RPS6KC1: variants seen among roughly 807,000 people sequenced by gnomAD.
The protein encoded by RPS6KC1 is inactive ribosomal protein S6 kinase delta-1.
In RPS6KC1, 54 loss-of-function variants were observed where a neutral mutation model predicts 103.8. The ratio of observed to expected loss-of-function variants is 0.52; its 90% CI spans 0.42 to 0.65. RPS6KC1 has a LOEUF of 0.65. RPS6KC1 is among the 30% of genes least tolerant of loss of function. The probability of loss-of-function intolerance (pLI) is 0.00; values close to 1 mark genes in which losing one functional copy is unlikely to be tolerated. For missense variants in RPS6KC1, 1,151 were observed against 1,253.8 expected, an observed-to-expected ratio of 0.92 and a Z score of 1.24; for synonymous variants, 439 against 438.7, an observed-to-expected ratio of 1.00 and a Z score of -0.01.
chr1:213,179,805 G>A (rs770655488), intron 8 of RPS6KC1, among the ~76,000 whole-genome samples: 17 of 152,156 alleles, frequency 1.1e-4, no homozygotes, highest in Admixed American at 2.6e-4. Flanking sequence ...AAACAAAATT[G>A]TGTCTTTCTT....
the RPS6KC1 span, among the ~76,000 whole-genome samples, chr1:213,467,634 T>A: frequency 2.6e-5 from 4 of 152,212 alleles, no homozygotes; most frequent in African/African-American, 4.8e-5. Context: ...AGATTGGGAT[T>A]GAGGATAGGG....
the RPS6KC1 span, among the ~76,000 whole-genome samples, chr1:213,513,896 C>T: frequency 3.3e-5 from 5 of 152,186 alleles, no homozygotes; most frequent in African/African-American, 1.2e-4. Context: ...AGAATAGATT[C>T]TGTGATGGAA....
chr1:213,602,019 T>TTCTTTTCTTTTCTTTTC, the RPS6KC1 span, among the ~76,000 whole-genome samples: 6 of 31,536 alleles, frequency 1.9e-4, no homozygotes, highest in Non-Finnish European at 3.5e-4. Flanking sequence ...TTCTTTTCTT[T>TTCTTTTCTTTTCTTTTC]CTTTCTTTCT....
At chr1:213,438,887 G>A in the RPS6KC1 span, among the ~76,000 whole-genome samples, 10 of 147,150 alleles carry the variant, frequency 6.8e-5, no homozygotes, top group South Asian at 2.2e-4. Flanking sequence ...TCCGCCTCCC[G>A]GGTTCACACC....
the RPS6KC1 span, among the ~76,000 whole-genome samples, chr1:213,372,765 G>A: frequency 1.3e-5 from 2 of 151,758 alleles, no homozygotes; most frequent in Non-Finnish European, 2.9e-5. Flanking sequence ...TCCATCTATC[G>A]CTCTTTTTTT....
At chr1:213,327,582 C>CGTGCGTGTGTGT in the RPS6KC1 span, among the ~76,000 whole-genome samples, 2 of 151,678 alleles carry the variant, frequency 1.3e-5, no homozygotes, top group African/African-American at 4.8e-5. Context: ...GTTGTGTGTG[C>CGTGCGTGTGTGT]GTGCGTGTGT....
the RPS6KC1 span, among the ~76,000 whole-genome samples, chr1:213,529,674 C>T: frequency 1.3e-5 from 2 of 152,118 alleles, no homozygotes; most frequent in African/African-American, 4.8e-5. Context: ...TCTGGTTCAC[C>T]CAGCTACTCA....
At chr1:213,825,880 GTC>G in the RPS6KC1 span, among the ~76,000 whole-genome samples, 2 of 152,150 alleles carry the variant, frequency 1.3e-5, no homozygotes, top group Admixed American at 6.5e-5. Context: ...AAGCAGTAAA[GTC>G]TCCCACATAA....
chr1:213,766,221 AT>A, the RPS6KC1 span, among the ~76,000 whole-genome samples: 13 of 152,162 alleles, frequency 8.5e-5, no homozygotes, highest in African/African-American at 3.1e-4. Flanking sequence ...TTAACGTTTT[AT>A]TGTAGTTTTT....
intron 8 of RPS6KC1, among the ~76,000 whole-genome samples, chr1:213,195,494 A>G (rs2092911877): frequency 1.3e-5 from 2 of 152,104 alleles, no homozygotes; most frequent in Non-Finnish European, 2.9e-5. Flanking sequence ...TTTGGAGAAC[A>G]GGTCGTGTTT....
chr1:213,108,918 G>A (rs1160470007), intron 4 of RPS6KC1, among the ~76,000 whole-genome samples: 1 of 151,678 alleles, frequency 6.6e-6, no homozygotes, highest in East Asian at 1.9e-4. Context: ...CCAAAGTGCT[G>A]GGAATACAGG....
At chr1:213,230,420 CTTAAAG>C (rs1428826605) in intron 8 of RPS6KC1, 71 bp from the exon 9 acceptor site, 12 of 1,123,602 alleles carry the variant, frequency 1.1e-5, no homozygotes, top group Non-Finnish European at 1.0e-5. Context: ...CTGCCCTACT[CTTAAAG>C]TTTAGTTTAA....
the RPS6KC1 span, among the ~76,000 whole-genome samples, chr1:213,593,047 G>A: frequency 1.1e-5 from 1 of 88,760 alleles, no homozygotes; most frequent in Non-Finnish European, 2.4e-5. Flanking sequence ...ATCCAGGGTG[G>A]GGCTGAGCAT....
intron 5 of RPS6KC1, among the ~76,000 whole-genome samples, chr1:213,125,439 A>G (rs534965925): frequency 6.6e-6 from 1 of 151,662 alleles, no homozygotes; most frequent in South Asian, 2.1e-4. Context: ...ACATTCTTGT[A>G]TGTAGATCTT....
At chr1:213,333,592 C>T in the RPS6KC1 span, among the ~76,000 whole-genome samples, 9,704 of 152,214 alleles carry the variant, frequency 0.064, 421 homozygotes, top group Middle Eastern at 0.11. Context: ...TCCTATGTAC[C>T]TGTGGTGCCG....
At chr1:213,621,217 C>A in the RPS6KC1 span, among the ~76,000 whole-genome samples, 1 of 152,118 alleles carries the variant, frequency 6.6e-6, no homozygotes, top group Non-Finnish European at 1.5e-5. Flanking sequence ...ACAGATGCAG[C>A]CGATTGATTA....
At chr1:213,617,504 T>C in the RPS6KC1 span, among the ~76,000 whole-genome samples, 539 of 152,320 alleles carry the variant, frequency 3.5e-3, 4 homozygotes, top group African/African-American at 0.011. Context: ...TGCTGCTGTA[T>C]TGGGGACACA....
chr1:213,051,518 C>A lies in RPS6KC1; in HGVS notation c.105+9C>A, dbSNP rs113940805. 3.8e-6 allele frequency: 6 copies of A among 1,590,610 alleles called. No individual in the cohort carries two copies. The highest frequency in any genetic ancestry group is 1.7e-5 in the Admixed American group (1 of 59,472). On this transcript the variant is annotated intron_variant, in intron 1 of 14. Transcript: ENST00000366960. ...ATAAGGTCACCGCCCGGGTGAGTGC[C>A]GGTGTCGGGCTGGGGTAGAGCTTGG...
chr1:213,593,239 G>GA, the RPS6KC1 span, among the ~76,000 whole-genome samples: 30 of 148,158 alleles, frequency 2.0e-4, no homozygotes, highest in African/African-American at 4.2e-4. Context: ...GAATTTCAAT[G>GA]AAAAAAAAAA....
Sources: allele counts gnomAD v4.1 joint callset (sites outside exome capture counted in the v4.1 genomes callset), GRCh38; gene constraint gnomAD v4.1.1; transcripts MANE v1.5; gene names NCBI Gene and HGNC (gene_info 2026-07-23, HGNC 2026-07-21).